CSGALNACT2: variants seen among roughly 807,000 people sequenced by gnomAD.
CSGALNACT2 encodes the protein beta 4 GalNAcT-2.
In CSGALNACT2, 35 loss-of-function variants were observed where a neutral mutation model predicts 55.3. That is an observed-to-expected ratio of 0.63 (90% CI 0.48 to 0.84). The LOEUF (loss-of-function observed/expected upper bound fraction) is 0.84. Ranked by LOEUF, CSGALNACT2 falls within the 40% of genes least tolerant of loss-of-function variation. The probability of loss-of-function intolerance (pLI) is 0.00; values close to 1 mark genes in which losing one functional copy is unlikely to be tolerated. For missense variants in CSGALNACT2, 544 were observed against 657.5 expected, an observed-to-expected ratio of 0.83 and a Z score of 1.89; for synonymous variants, 196 against 224.9, an observed-to-expected ratio of 0.87 and a Z score of 1.15.
At chr10:43,165,522 GAGCACAGT>G (rs2133132819) in intron 5 of CSGALNACT2, among the ~76,000 whole-genome samples, 1 of 152,236 alleles carries the variant, frequency 6.6e-6, no homozygotes, top group East Asian at 1.9e-4. Context: ...GGGTGCTGCT[GAGCACAGT>G]AGCTCACACC....
intron 4 of CSGALNACT2, among the ~76,000 whole-genome samples, chr10:43,161,295 T>C (rs1272824733): frequency 1.3e-5 from 2 of 152,240 alleles, no homozygotes; most frequent in Non-Finnish European, 2.9e-5. Context: ...AACCAGTATT[T>C]CTGTCTTAAA....
At chr10:43,158,647 A>G in intron 2 of CSGALNACT2, 68 bp from the exon 3 acceptor site, 1 of 926,688 alleles carries the variant, frequency 1.1e-6, no homozygotes, top group Non-Finnish European at 1.7e-6. Flanking sequence ...AGTGAGTAAA[A>G]TCTGTCTTCC....
At position 43,180,833 on chromosome 10, in the gene CSGALNACT2, T is replaced by G. The variant is rs111683217; in HGVS notation, c.1337-2417T>G. 8.5e-5 allele frequency among the ~76,000 whole-genome samples: 13 copies of G among 152,318 alleles called. 3 individuals are homozygous for G. Among genetic ancestry groups the G allele is most frequent in the African/African-American group, 3.1e-4 (13 of 41,578 alleles). On this transcript the variant is annotated intron_variant, in intron 7 of 7. Transcript: ENST00000374466. The stretch of plus-strand genomic sequence containing the variant: ...CCCAGACTCTGAATTTCACACATGC[T>G]TCTCAGTCTCCCCTCCTCTCCTGGA...
intron 1 of CSGALNACT2, among the ~76,000 whole-genome samples, chr10:43,153,345 G>A (rs1270261327): frequency 8.7e-5 from 4 of 45,976 alleles, no homozygotes; most frequent in African/African-American, 1.1e-4. Context: ...AAAAAAAAAA[G>A]GACTCCCTTG....
chr10:43,146,999 G>A (rs1257614608), intron 1 of CSGALNACT2, among the ~76,000 whole-genome samples: 3 of 120 alleles, frequency 0.025, no homozygotes, highest in Non-Finnish European at 0.045. Context: ...TGTGGAGACG[G>A]GAGTCTCGCT....
intron 5 of CSGALNACT2, among the ~76,000 whole-genome samples, chr10:43,166,510 C>T (rs900651975): frequency 2.0e-5 from 3 of 152,202 alleles, no homozygotes; most frequent in Non-Finnish European, 4.4e-5. Context: ...CCCTTGTCTT[C>T]CCGACTTTTC....
rs7919610 is a variant in CSGALNACT2 at position 43,169,098 on chromosome 10, T to G, written c.1254+2000T>G. On this transcript the variant is annotated intron_variant, in intron 6 of 7. Coordinates refer to ENST00000374466, the MANE Select transcript of CSGALNACT2 (RefSeq NM_018590.5). The stretch of plus-strand genomic sequence containing the variant: ...AGTCTAAGGCAGTGCATGTGGTCCC[T>G]GGAGCTGGAGAGGCTGGTCGGGGTG... Among the ~76,000 whole-genome samples the G allele has an allele frequency of 8.9e-3, 1,359 of 152,314 alleles. 21 individuals carry two copies. Among genetic ancestry groups the G allele is most frequent in the African/African-American group, 0.032 (1,318 of 41,562 alleles).
At chr10:43,172,872 A>C (rs1839409429) in intron 6 of CSGALNACT2, among the ~76,000 whole-genome samples, 1 of 152,216 alleles carries the variant, frequency 6.6e-6, no homozygotes, top group African/African-American at 2.4e-5. Flanking sequence ...GAGCTGTCCA[A>C]AGAACAGGAA....
At chr10:43,146,730 CTTTT>C (rs59606270) in intron 1 of CSGALNACT2, among the ~76,000 whole-genome samples, 1 of 142,738 alleles carries the variant, frequency 7.0e-6, no homozygotes, top group Non-Finnish European at 1.5e-5. Flanking sequence ...AAGATGCTGT[CTTTT>C]TTTTTTTTTT....
chr10:43,165,913 C>T (rs745718162), intron 5 of CSGALNACT2, among the ~76,000 whole-genome samples: 13 of 151,940 alleles, frequency 8.6e-5, no homozygotes, highest in South Asian at 2.1e-4. Context: ...ACCTGGGAGA[C>T]GGAGGTTGCA....
At chr10:43,141,366 C>T (rs1044499452) in intron 1 of CSGALNACT2, among the ~76,000 whole-genome samples, 32 of 150,204 alleles carry the variant, frequency 2.1e-4, no homozygotes, top group Admixed American at 1.8e-3. Context: ...TACAGGCGCC[C>T]GCCACCATGC....
chr10:43,182,963 C>G (rs1380859457), intron 7 of CSGALNACT2, among the ~76,000 whole-genome samples: 1 of 151,822 alleles, frequency 6.6e-6, no homozygotes, highest in Non-Finnish European at 1.5e-5. Flanking sequence ...CTTTATTTGA[C>G]TTTTTGTAGA....
At chr10:43,162,814 T>G in intron 4 of CSGALNACT2, 1 of 924,628 alleles carries the variant, frequency 1.1e-6, no homozygotes, top group Non-Finnish European at 1.3e-6. Flanking sequence ...GAGAGTTTGC[T>G]TCTCTAACAT....
intron 1 of CSGALNACT2, among the ~76,000 whole-genome samples, chr10:43,150,953 TTTTCTTCTAAAATATC>T (rs1366561249): frequency 1.3e-5 from 2 of 152,324 alleles, no homozygotes; most frequent in East Asian, 3.8e-4. Context: ...TTTACTAATA[TTTTCTTCTAAAATATC>T]TAATCTGCCA....
intron 3 of CSGALNACT2, among the ~76,000 whole-genome samples, chr10:43,160,117 T>G (rs1447376892): frequency 1.3e-5 from 2 of 152,250 alleles, no homozygotes; most frequent in African/African-American, 4.8e-5. Flanking sequence ...ATAGTTACAA[T>G]TTTTGGAATT....
chr10:43,153,207 C>T (rs1838916291), intron 1 of CSGALNACT2, among the ~76,000 whole-genome samples: 1 of 151,838 alleles, frequency 6.6e-6, no homozygotes, highest in Non-Finnish European at 1.5e-5. Context: ...TGGTGGCCGG[C>T]GCTTGTAGTC....
chr10:43,146,012 T>A (rs536344021), intron 1 of CSGALNACT2, among the ~76,000 whole-genome samples: 13 of 151,738 alleles, frequency 8.6e-5, no homozygotes, highest in Non-Finnish European at 1.6e-4. Flanking sequence ...TAAAAAAAGA[T>A]TTTTTTTTAA....
chr10:43,174,591 C>T (rs546147267), intron 6 of CSGALNACT2, among the ~76,000 whole-genome samples: 37 of 152,266 alleles, frequency 2.4e-4, no homozygotes, highest in Admixed American at 1.6e-3. Context: ...CACTCCTGCC[C>T]ATTCAATCAC....
intron 3 of CSGALNACT2, 132 bp from the exon 4 acceptor site, chr10:43,160,362 G>A (rs1214260532): frequency 1.7e-6 from 1 of 595,518 alleles, no homozygotes; most frequent in African/African-American, 1.9e-5. Flanking sequence ...TAATTCATCA[G>A]TATTGCCACA....
Sources: allele counts gnomAD v4.1 joint callset (sites outside exome capture counted in the v4.1 genomes callset), GRCh38; gene constraint gnomAD v4.1.1; transcripts MANE v1.5; gene names NCBI Gene and HGNC (gene_info 2026-07-23, HGNC 2026-07-21).